TNS3: variants seen among roughly 807,000 people sequenced by gnomAD.
TNS3 encodes tensin-3.
A neutral mutation model predicts 140.9 loss-of-function variants in TNS3; 45 were observed. The observed-to-expected ratio is 0.32, with a 90% CI of 0.25 to 0.41. The LOEUF (loss-of-function observed/expected upper bound fraction) is 0.41. TNS3 is among the 10% of genes least tolerant of loss of function. The pLI, the probability that TNS3 is intolerant of heterozygous loss-of-function variation, is 1.00. For missense variants in TNS3, 1,716 were observed against 1,906.7 expected (o/e 0.90, Z 1.86); for synonymous variants, 815 against 788.4 (o/e 1.03, Z -0.56).
At chr7:47,375,679 C>T (rs1320335817) in intron 16 of TNS3, among the ~76,000 whole-genome samples, 1 of 152,180 alleles carries the variant, frequency 6.6e-6, no homozygotes, top group Admixed American at 6.5e-5. Context: ...TGAAAACATC[C>T]CTTCCATCCC....
At chr7:47,436,967 G>C (rs1795214313) in intron 7 of TNS3, among the ~76,000 whole-genome samples, 1 of 152,106 alleles carries the variant, frequency 6.6e-6, no homozygotes, top group South Asian at 2.1e-4. Context: ...GAGGTCCGTG[G>C]ACTATACCAA....
At chr7:47,420,147 T>C (rs1794297040) in intron 10 of TNS3, among the ~76,000 whole-genome samples, 3 of 152,340 alleles carry the variant, frequency 2.0e-5, no homozygotes, top group African/African-American at 7.2e-5. Flanking sequence ...TAAAGTATTC[T>C]TTCAGGCACC....
intron 15 of TNS3, among the ~76,000 whole-genome samples, chr7:47,398,548 T>C (rs909182721): frequency 6.6e-6 from 1 of 152,096 alleles, no homozygotes; most frequent in Admixed American, 6.5e-5. Context: ...TGATACACCA[T>C]ACAAACAGAA....
chr7:47,296,116 G>A (rs1786004899), intron 24 of TNS3, among the ~76,000 whole-genome samples: 1 of 152,060 alleles, frequency 6.6e-6, no homozygotes, highest in African/African-American at 2.4e-5. Context: ...AGTCTAGTCT[G>A]CAGCATGGTA....
intron 4 of TNS3, among the ~76,000 whole-genome samples, chr7:47,466,426 G>A (rs912283511): frequency 1.8e-4 from 27 of 152,182 alleles, no homozygotes; most frequent in African/African-American, 6.0e-4. Flanking sequence ...GATTACAGGC[G>A]TGAGCCACAG....
intron 10 of TNS3, among the ~76,000 whole-genome samples, chr7:47,421,082 C>T (rs935561949): frequency 2.6e-5 from 4 of 152,134 alleles, no homozygotes; most frequent in African/African-American, 9.7e-5. Flanking sequence ...AGATCAGCTC[C>T]CCAAAGAAAC....
chr7:47,394,150 T>C (rs1465425753), intron 16 of TNS3, among the ~76,000 whole-genome samples: 4 of 152,260 alleles, frequency 2.6e-5, no homozygotes, highest in Non-Finnish European at 5.9e-5. Context: ...ATTGCTTCTC[T>C]AATCATTCAT....
chr7:47,310,631 G>A (rs955235265), intron 20 of TNS3, among the ~76,000 whole-genome samples: 1 of 152,168 alleles, frequency 6.6e-6, no homozygotes, highest in Non-Finnish European at 1.5e-5. Context: ...AACGCCCACA[G>A]CTAGTTCAAA....
At position 47,303,237 on chromosome 7, in the gene TNS3, G is replaced by C. The variant is rs978571518; in HGVS notation, c.3170C>G (p.Ala1057Gly). Residue 1057 changes from alanine to glycine, a missense_variant, in exon 22 of 31, where the codon GCG becomes GGG. This residue lies in a region of TNS3 where 1,163 missense variants were observed against 1,182.1 expected (regional missense o/e 0.98). Coordinates refer to ENST00000311160, the MANE Select transcript of TNS3 (RefSeq NM_022748.12). Reference sequence around the variant, plus strand: ...GAAGCCATTGTCGGCAGCCCCTGTCGCTGTCAGCGGGATGCTGGGGGTCGG... The same window carrying C: ...GAAGCCATTGTCGGCAGCCCCTGTCCCTGTCAGCGGGATGCTGGGGGTCGG... ...ASPTPSIPLT[A>G]TGAADNGFLS... 1 of 1,613,744 alleles carries C rather than the reference G, an allele frequency of 6.2e-7. No individual in the cohort carries two copies. The highest frequency in any genetic ancestry group is 8.5e-7 in the Non-Finnish European group (1 of 1,180,012).
At chr7:47,465,621 C>A (rs2151712639) in intron 4 of TNS3, among the ~76,000 whole-genome samples, 1 of 152,236 alleles carries the variant, frequency 6.6e-6, no homozygotes, top group East Asian at 1.9e-4. Flanking sequence ...ATAAATATCT[C>A]AGTACATATC....
intron 20 of TNS3, among the ~76,000 whole-genome samples, chr7:47,318,188 C>T (rs1437835557): frequency 1.3e-5 from 2 of 152,176 alleles, no homozygotes; most frequent in East Asian, 1.9e-4. Context: ...CAGAATTTGT[C>T]TTCTTGTGAC....
In TNS3 at chr7:47,276,642, G is replaced by C. The variant is rs1784881483; in HGVS notation, c.*1434C>G. On this transcript the variant is annotated 3_prime_UTR_variant, in exon 31 of 31. Transcript: ENST00000311160. ...CATCTTTCACTCTGGGGATGTTCCAGGGTCACAAATTCCCCCAAACCTTTG... is the reference window on the plus strand; with the variant it reads ...CATCTTTCACTCTGGGGATGTTCCACGGTCACAAATTCCCCCAAACCTTTG... The C allele has an allele frequency of 6.6e-6, 1 of 152,216 alleles. No individual in the cohort carries two copies. The highest frequency in any genetic ancestry group is 2.1e-4 in the South Asian group (1 of 4,832). The allele number at this position is 152,216 out of a possible 1,614,324, so 9.4% of individuals were successfully genotyped here.
At chr7:47,307,211 T>C (rs1177186540) in intron 20 of TNS3, among the ~76,000 whole-genome samples, 1 of 152,216 alleles carries the variant, frequency 6.6e-6, no homozygotes, top group Non-Finnish European at 1.5e-5. Flanking sequence ...CACTTTGCTT[T>C]AGTGTGCATT....
intron 16 of TNS3, among the ~76,000 whole-genome samples, chr7:47,377,608 C>T (rs985523091): frequency 1.3e-5 from 2 of 151,904 alleles, no homozygotes; most frequent in Non-Finnish European, 2.9e-5. Context: ...TTAAAACAAC[C>T]GTTGTGAGAT....
intron 4 of TNS3, among the ~76,000 whole-genome samples, chr7:47,460,401 C>T (rs931089988): frequency 6.6e-6 from 1 of 152,160 alleles, no homozygotes. Flanking sequence ...TGATAACCGC[C>T]CATTGCTGCA....
chr7:47,293,020 G>C, intron 25 of TNS3, 115 bp from the exon 26 acceptor site: 4 of 816,300 alleles, frequency 4.9e-6, no homozygotes, highest in Non-Finnish European at 5.9e-6. Flanking sequence ...TATCTTTTTA[G>C]CAACTGGTAT....
intron 15 of TNS3, among the ~76,000 whole-genome samples, chr7:47,399,216 TG>T (rs1242724759): frequency 6.6e-6 from 1 of 151,974 alleles, no homozygotes; most frequent in East Asian, 1.9e-4. Flanking sequence ...GCTCATGGAT[TG>T]GAAGAATCAA....
chr7:47,549,453 C>G lies in TNS3; in HGVS notation c.-264-20306G>C, dbSNP rs550896988. On this transcript the variant is annotated intron_variant, in intron 1 of 30. Transcript: ENST00000311160. The stretch of plus-strand genomic sequence containing the variant: ...GAGGTTGCAGTGAGCTGAGATCACG[C>G]CACTGCACTCCAGCCCGGCAACAGA... 8.4e-4 allele frequency among the ~76,000 whole-genome samples: 128 copies of G among 152,218 alleles called. No homozygotes were observed. The Middle Eastern group carries it at 0.024, about 28-fold the overall frequency.
intron 20 of TNS3, among the ~76,000 whole-genome samples, chr7:47,328,969 A>G (rs1562598459): frequency 6.6e-6 from 1 of 152,146 alleles, no homozygotes; most frequent in East Asian, 1.9e-4. Context: ...TCTCTCATCT[A>G]AAAGGCCAAA....
Sources: allele counts gnomAD v4.1 joint callset (sites outside exome capture counted in the v4.1 genomes callset), GRCh38; gene constraint gnomAD v4.1.1; regional missense constraint gnomAD v4.1.1; transcripts MANE v1.5; gene names NCBI Gene and HGNC (gene_info 2026-07-23, HGNC 2026-07-21).